TSPAN14: variants seen among roughly 807,000 people sequenced by gnomAD.
TSPAN14 encodes the protein tetraspanin-14.
A neutral mutation model predicts 36.6 loss-of-function variants in TSPAN14; 16 were observed. The observed-to-expected ratio is 0.44, with a 90% CI of 0.30 to 0.66. The LOEUF is 0.66. TSPAN14 is among the 30% of genes least tolerant of loss of function. TSPAN14 has a pLI of 0.12. For synonymous variants in TSPAN14, 139 were observed against 143.8 expected, an observed-to-expected ratio of 0.97 and a Z score of 0.24; for missense variants, 231 against 355.1, an observed-to-expected ratio of 0.65 and a Z score of 2.81.
intron 1 of TSPAN14, among the ~76,000 whole-genome samples, chr10:80,472,219 C>T (rs1001554460): frequency 6.6e-6 from 1 of 152,172 alleles, no homozygotes; most frequent in African/African-American, 2.4e-5. Context: ...CCAAGAAGGA[C>T]CACAAACTCT....
At chr10:80,485,678 C>G in intron 1 of TSPAN14, 3 of 985,468 alleles carry the variant, frequency 3.0e-6, no homozygotes, top group Non-Finnish European at 3.6e-6. Context: ...CGCTGGCCAA[C>G]ACAGCAGAGA....
chr10:80,518,973 C>T (rs1197131014), exon 9 of TSPAN14: 1 of 153,052 alleles, frequency 6.5e-6, no homozygotes, highest in Admixed American at 6.5e-5. Context: ...AGCACTCCCC[C>T]ACTCCCCAGC....
At chr10:80,455,528 C>T (rs1024442230) in intron 1 of TSPAN14, among the ~76,000 whole-genome samples, 4 of 152,118 alleles carry the variant, frequency 2.6e-5, no homozygotes, top group African/African-American at 4.8e-5. Flanking sequence ...AGTAGCCTTC[C>T]CCTTGCCCCT....
rs1350075088 is a variant in TSPAN14, at chr10:80,509,709, C to G, written c.450+238C>G. 4.0e-6 allele frequency: 2 copies of G among 498,236 alleles called. No homozygotes were observed. The highest frequency in any genetic ancestry group is 2.5e-5 in the South Asian group (1 of 40,748). 30.9% of individuals were successfully genotyped at this position (498,236 alleles called of 1,614,324 possible). A position where few individuals can be genotyped will look rare whatever the true frequency, so the allele number is the denominator to read the frequency against. On this transcript the variant is annotated intron_variant, in intron 5 of 8. Coordinates refer to ENST00000429989, the Ensembl canonical transcript of TSPAN14. The surrounding 1 kb of genome is among the most constrained non-coding windows in gnomAD (Gnocchi z 4.7). Reference sequence around the variant, plus strand: ...TTGGGCAGGCAAGTCCAGCTGTACCCGAGGCCACCCACCCCCCACGTGCCC... The same window carrying G: ...TTGGGCAGGCAAGTCCAGCTGTACCGGAGGCCACCCACCCCCCACGTGCCC...
At chr10:80,473,344 G>A (rs2131976980) in intron 1 of TSPAN14, among the ~76,000 whole-genome samples, 1 of 152,314 alleles carries the variant, frequency 6.6e-6, no homozygotes, top group East Asian at 1.9e-4. Flanking sequence ...TGAGTTTTTG[G>A]TGGTGGAAAT....
chr10:80,503,505 A>G (rs991099983), intron 2 of TSPAN14, among the ~76,000 whole-genome samples: 8 of 151,874 alleles, frequency 5.3e-5, no homozygotes, highest in Admixed American at 1.3e-4. Context: ...CTGCTTTTGT[A>G]AAATGGAGGG....
intron 2 of TSPAN14, 33 bp downstream of exon 2, chr10:80,489,347 T>G (rs775903012): frequency 1.5e-6 from 2 of 1,364,104 alleles, no homozygotes. Context: ...ATTCCCTTGT[T>G]TAGTCCTTCA....
At chr10:80,465,554 A>G (rs974538149) in intron 1 of TSPAN14, among the ~76,000 whole-genome samples, 2 of 152,148 alleles carry the variant, frequency 1.3e-5, no homozygotes, top group South Asian at 2.1e-4. Context: ...CTGTACCCCT[A>G]TCTCCCAGCC....
intron 1 of TSPAN14, among the ~76,000 whole-genome samples, chr10:80,461,506 C>G (rs1378123293): frequency 6.6e-6 from 1 of 152,042 alleles, no homozygotes; most frequent in Non-Finnish European, 1.5e-5. Context: ...ATGCCAAAAT[C>G]AGAGTTGGTG....
chr10:80,509,616 T>A lies in TSPAN14; in HGVS notation c.450+145T>A, dbSNP rs1164257507. ...GCAGGGAGGCCGTGGAACAAGCCAC[T>A]CCACCTCTGGTCTGTTCCACTTTGC... On this transcript the variant is annotated intron_variant, in intron 5 of 8. Coordinates refer to ENST00000429989, the Ensembl canonical transcript of TSPAN14. This position sits in a 1 kb window ranked among gnomAD's most constrained non-coding sequence, Gnocchi z 4.7. The A allele has an allele frequency of 1.2e-6, 1 of 809,078 alleles. No individual in the cohort carries two copies. Among genetic ancestry groups the A allele is most frequent in the Non-Finnish European group, 1.9e-6 (1 of 523,026 alleles). 50.1% of individuals were successfully genotyped at this position (809,078 alleles called of 1,614,324 possible). A position where few individuals can be genotyped will look rare whatever the true frequency, so the allele number is the denominator to read the frequency against.
exon 9 of TSPAN14, chr10:80,519,695 C>T (rs1247479351): frequency 3.3e-5 from 5 of 152,228 alleles, no homozygotes; most frequent in Admixed American, 1.3e-4. Flanking sequence ...CAGTGGTAAA[C>T]GCGGCTGCCA....
intron 1 of TSPAN14, among the ~76,000 whole-genome samples, chr10:80,466,951 C>T (rs1469636106): frequency 2.0e-5 from 3 of 152,102 alleles, no homozygotes; most frequent in Admixed American, 6.6e-5. Context: ...ATTTGTAATT[C>T]GTTAAAGGAG....
exon 9 of TSPAN14, chr10:80,519,827 T>C (rs1485571122): frequency 6.6e-6 from 1 of 151,836 alleles, no homozygotes; most frequent in African/African-American, 2.4e-5. Context: ...AGATTCTGTA[T>C]GGCAGCACTT....
chr10:80,481,711 C>T (rs532191316), intron 1 of TSPAN14, among the ~76,000 whole-genome samples: 1 of 152,278 alleles, frequency 6.6e-6, no homozygotes, highest in Admixed American at 6.5e-5. Flanking sequence ...CCGTAACCTC[C>T]GCCTCCTGGG....
Position 80,465,807 on chromosome 10 carries a change from G to A in TSPAN14, c.-18+11436G>A, listed in dbSNP as rs534219391. Among the ~76,000 whole-genome samples the A allele has an allele frequency of 2.8e-4, 42 of 152,268 alleles. No homozygotes were observed. In the South Asian group the frequency reaches 8.7e-3, roughly 32 times the overall value. On this transcript the variant is annotated intron_variant, in intron 1 of 8. Coordinates refer to ENST00000429989, the Ensembl canonical transcript of TSPAN14. ...TTGGTTAAGAATATTTTTTATTTTG[G>A]TCCTTATGGTTGTGAGGACCTTTCT...
Position 80,509,293 on chromosome 10 carries a change from C to A in TSPAN14, c.280-8C>A, listed in dbSNP as rs1840475990. 1.9e-6 allele frequency: 3 copies of A among 1,612,426 alleles called. No homozygotes were observed. The African/African-American group carries it at 4.0e-5, about 22-fold the overall frequency. ...GGTGACTTCTGCTCCCGTCCCCTTC[C>A]CCTGCAGTTCTGTGGCACCATCGTG... is the stretch of plus-strand genomic sequence containing the variant. On this transcript the variant is annotated splice_region_variant and splice_polypyrimidine_tract_variant and intron_variant, in intron 4 of 8. Coordinates refer to ENST00000429989, the Ensembl canonical transcript of TSPAN14. The surrounding 1 kb of genome is among the most constrained non-coding windows in gnomAD (Gnocchi z 4.7).
intron 1 of TSPAN14, among the ~76,000 whole-genome samples, chr10:80,488,034 G>A (rs1395038167): frequency 1.3e-5 from 2 of 152,228 alleles, no homozygotes; most frequent in African/African-American, 4.8e-5. Context: ...CGTGGAAGCT[G>A]GTTTCTCACT....
intron 2 of TSPAN14, among the ~76,000 whole-genome samples, chr10:80,496,718 C>T (rs930457755): frequency 3.9e-5 from 6 of 152,006 alleles, no homozygotes; most frequent in African/African-American, 1.4e-4. Context: ...CTTTACTGAT[C>T]TTTTCTTCCA....
chr10:80,509,819 A>G lies in TSPAN14; in HGVS notation c.450+348A>G. ...ATCCTCCTTAGGCGCTGCATACCGTAAGGCACAGCTTCTTCCCCCCGGCTC... is the reference window on the plus strand; with the variant it reads ...ATCCTCCTTAGGCGCTGCATACCGTGAGGCACAGCTTCTTCCCCCCGGCTC... On this transcript the variant is annotated intron_variant, in intron 5 of 8. Coordinates refer to ENST00000429989, the Ensembl canonical transcript of TSPAN14. This position sits in a 1 kb window ranked among gnomAD's most constrained non-coding sequence, Gnocchi z 4.7. The G allele has an allele frequency of 4.5e-6, 1 of 220,458 alleles. No homozygotes were observed. Among genetic ancestry groups the G allele is most frequent in the South Asian group, 7.6e-5 (1 of 13,232 alleles). 13.7% of individuals were successfully genotyped at this position (220,458 alleles called of 1,614,324 possible).
Sources: allele counts gnomAD v4.1 joint callset (sites outside exome capture counted in the v4.1 genomes callset), GRCh38; gene constraint gnomAD v4.1.1; non-coding constraint Gnocchi (gnomAD v3.1); transcripts MANE v1.5; gene names NCBI Gene and HGNC (gene_info 2026-07-23, HGNC 2026-07-21).